The following TAFA1 variants were observed in gnomAD, a reference collection of about 807,000 sequenced individuals.
TAFA1 encodes chemokine-like protein TAFA-1.
In TAFA1, 4 loss-of-function variants were observed where a neutral mutation model predicts 18.5. The ratio of observed to expected loss-of-function variants is 0.22; its 90% CI spans 0.11 to 0.49. The LOEUF is 0.49. TAFA1 is among the 20% of genes least tolerant of loss of function. The probability of loss-of-function intolerance (pLI) is 0.98; values close to 1 mark genes in which losing one functional copy is unlikely to be tolerated. For missense variants in TAFA1, 147 were observed against 169.0 expected (o/e 0.87, Z 0.72); for synonymous variants, 56 against 55.2 (o/e 1.01, Z -0.06).
intron 2 of TAFA1, among the ~76,000 whole-genome samples, chr3:68,168,657 T>C (rs939446991): frequency 4.6e-5 from 7 of 152,370 alleles, no homozygotes; most frequent in African/African-American, 1.7e-4. Flanking sequence ...TTCCTGATTA[T>C]TTTGGAGTTG....
intron 2 of TAFA1, among the ~76,000 whole-genome samples, chr3:68,113,041 G>A (rs1333477485): frequency 6.6e-6 from 1 of 151,988 alleles, no homozygotes; most frequent in East Asian, 1.9e-4. Context: ...TAACTTGGCA[G>A]GTAGAATTTT....
chr3:68,312,287 AT>A (rs2068534093), intron 2 of TAFA1, among the ~76,000 whole-genome samples: 1 of 152,204 alleles, frequency 6.6e-6, no homozygotes, highest in African/African-American at 2.4e-5. Flanking sequence ...CTCATTACTT[AT>A]GCAAAATTCT....
chr3:68,172,776 C>T (rs1346571615), intron 2 of TAFA1, among the ~76,000 whole-genome samples: 1 of 151,836 alleles, frequency 6.6e-6, no homozygotes, highest in East Asian at 1.9e-4. Context: ...CCAAAGGGCG[C>T]ATAATAGATT....
intron 3 of TAFA1, among the ~76,000 whole-genome samples, chr3:68,436,911 T>A (rs2071276680): frequency 6.6e-6 from 1 of 152,224 alleles, no homozygotes; most frequent in Admixed American, 6.5e-5. Flanking sequence ...TTGCCCACTT[T>A]ATTAGAAAAC....
chr3:68,538,879 G>T lies in TAFA1; in HGVS notation c.383G>T (p.Arg128Ile). Residue 128 changes from arginine to isoleucine, a missense_variant and splice_region_variant, in exon 4 of 5, where the codon AGA (arginine) becomes ATA (isoleucine). Transcript: ENST00000478136. The stretch of plus-strand genomic sequence containing the variant: ...ACAGGCAACAAAATTAAGACCACGA[G>T]AGTAAGTGCACTTATTTCAAATGTA... ...CATGNKIKTT[R>I]IHPRT The T allele has an allele frequency of 6.2e-7, 1 of 1,613,366 alleles. No individual in the cohort carries two copies. The highest frequency in any genetic ancestry group is 1.1e-5 in the South Asian group (1 of 91,052).
At chr3:68,090,787 A>G (rs1366153463) in intron 2 of TAFA1, among the ~76,000 whole-genome samples, 1 of 152,182 alleles carries the variant, frequency 6.6e-6, no homozygotes, top group African/African-American at 2.4e-5. Context: ...AGAGAAGTGC[A>G]TTTCTGAAAG....
At chr3:68,127,075 A>G (rs917417414) in intron 2 of TAFA1, among the ~76,000 whole-genome samples, 14 of 152,230 alleles carry the variant, frequency 9.2e-5, no homozygotes, top group Admixed American at 7.2e-4. Flanking sequence ...TGCCAGAACA[A>G]TTAGTGGAAA....
intron 3 of TAFA1, among the ~76,000 whole-genome samples, chr3:68,436,044 G>T (rs1465513602): frequency 3.3e-5 from 5 of 152,316 alleles, no homozygotes; most frequent in South Asian, 2.1e-4. Context: ...GATAACCAGA[G>T]TTGAGAACCA....
intron 2 of TAFA1, among the ~76,000 whole-genome samples, chr3:68,122,188 T>G (rs1024165666): frequency 1.3e-5 from 2 of 150,638 alleles, no homozygotes; most frequent in Non-Finnish European, 3.0e-5. Context: ...ATATGACTGT[T>G]CTTTATATAT....
intron 2 of TAFA1, among the ~76,000 whole-genome samples, chr3:68,254,133 G>GTATCTATCTATC (rs1553659903): frequency 9.0e-6 from 1 of 111,118 alleles, no homozygotes; most frequent in Non-Finnish European, 2.0e-5. Context: ...ATGTATGTAT[G>GTATCTATCTATC]TATCTATCTA....
At chr3:68,115,730 C>T (rs188674451) in intron 2 of TAFA1, among the ~76,000 whole-genome samples, 1 of 152,296 alleles carries the variant, frequency 6.6e-6, no homozygotes, top group Non-Finnish European at 1.5e-5. Flanking sequence ...GAGATGCCTA[C>T]ACCTTATTGG....
intron 3 of TAFA1, among the ~76,000 whole-genome samples, chr3:68,481,724 C>T (rs543101522): frequency 1.4e-4 from 21 of 152,210 alleles, no homozygotes; most frequent in Non-Finnish European, 2.4e-4. Flanking sequence ...ATCAATATGT[C>T]GTAGCTTTTT....
chr3:68,080,317 C>G (rs941519519), intron 2 of TAFA1, among the ~76,000 whole-genome samples: 1 of 151,862 alleles, frequency 6.6e-6, no homozygotes, highest in Non-Finnish European at 1.5e-5. Flanking sequence ...ATTTACATTT[C>G]AAGTTAATAT....
At chr3:67,997,021 C>T in the TAFA1 span, among the ~76,000 whole-genome samples, 1 of 151,698 alleles carries the variant, frequency 6.6e-6, no homozygotes, top group Admixed American at 6.6e-5. Context: ...AAGAGAAACT[C>T]CATAGAGAAT....
In TAFA1 at chr3:68,136,064, A is replaced by T. The variant is rs1037199558; in HGVS notation, c.118+129320A>T. 2.8e-4 allele frequency among the ~76,000 whole-genome samples: 42 copies of T among 152,156 alleles called. 3 individuals are homozygous for T. The highest frequency in any genetic ancestry group is 4.4e-5 in the Non-Finnish European group (3 of 68,028). On this transcript the variant is annotated intron_variant, in intron 2 of 4. Transcript: ENST00000478136. ...CTGATTTTGACTCATAGCTCATTTC[A>T]AGTATGAGGGCAAATAGAATAGTTT...
intron 2 of TAFA1, among the ~76,000 whole-genome samples, chr3:68,268,754 T>C (rs1007178854): frequency 1.6e-4 from 24 of 152,136 alleles, no homozygotes; most frequent in African/African-American, 5.8e-4. Context: ...GGGCTGCTAA[T>C]GTTGCTTAAC....
chr3:68,536,979 A>G, intron 3 of TAFA1, among the ~76,000 whole-genome samples: 1 of 152,112 alleles, frequency 6.6e-6, no homozygotes, highest in South Asian at 2.1e-4. Context: ...ACTTTCAGTC[A>G]ATTCATTTTT....
chr3:68,376,621 G>A (rs932458259), intron 2 of TAFA1, among the ~76,000 whole-genome samples: 2 of 152,236 alleles, frequency 1.3e-5, no homozygotes, highest in African/African-American at 4.8e-5. Context: ...ATTCCATGGG[G>A]TATATGTACC....
intron 3 of TAFA1, among the ~76,000 whole-genome samples, chr3:68,471,978 T>C (rs2072004582): frequency 6.6e-6 from 1 of 152,178 alleles, no homozygotes; most frequent in African/African-American, 2.4e-5. Context: ...GATGAGACTT[T>C]GCACTGTGGG....
Sources: allele counts gnomAD v4.1 joint callset (sites outside exome capture counted in the v4.1 genomes callset), GRCh38; gene constraint gnomAD v4.1.1; transcripts MANE v1.5; gene names NCBI Gene and HGNC (gene_info 2026-07-23, HGNC 2026-07-21).